The following DIS3L2 variants were observed in gnomAD, a reference collection of about 807,000 sequenced individuals.
The protein encoded by DIS3L2 is DIS3-like exonuclease 2.
A neutral mutation model predicts 97.5 loss-of-function variants in DIS3L2; 34 were observed. The observed-to-expected ratio is 0.35, with a 90% CI of 0.27 to 0.46. The LOEUF (loss-of-function observed/expected upper bound fraction) is 0.46. Among genes scored for constraint, DIS3L2 ranks in the 20% least tolerant of loss-of-function variants. The pLI is 1.00. For synonymous variants in DIS3L2, 435 were observed against 445.2 expected (o/e 0.98, Z 0.29); for missense variants, 1,038 against 1,146.0 (o/e 0.91, Z 1.36).
Position 232,208,905 on chromosome 2 carries a change from A to G in DIS3L2, c.1125-1421A>G, listed in dbSNP as rs186487999. ...TACTCCAGTGTGGTGGCATGCACCT[A>G]TACTGTCAGCTGCTTGGGAGTCTGA... On this transcript the variant is annotated intron_variant, in intron 9 of 20. Transcript: ENST00000325385. Among the ~76,000 whole-genome samples, 324 of 152,068 alleles carry G rather than the reference A, an allele frequency of 2.1e-3. 2 individuals carry two copies. Among genetic ancestry groups the G allele is most frequent in the African/African-American group, 7.4e-3 (305 of 41,474 alleles).
chr2:232,323,078 C>A (rs1305837702), intron 14 of DIS3L2, among the ~76,000 whole-genome samples: 3 of 152,224 alleles, frequency 2.0e-5, no homozygotes, highest in Admixed American at 2.0e-4. Context: ...CTCCTCAGGA[C>A]CTTGTTTCCA....
At chr2:232,253,414 C>G (rs1693470482) in intron 12 of DIS3L2, among the ~76,000 whole-genome samples, 1 of 152,042 alleles carries the variant, frequency 6.6e-6, no homozygotes, top group Non-Finnish European at 1.5e-5. Context: ...TCAGGGATCC[C>G]TAGGGGTACA....
rs576486172 is a variant in DIS3L2, at chr2:232,303,183, C to T, written c.1739+3064C>T. 2.0e-3 allele frequency among the ~76,000 whole-genome samples: 297 copies of T among 152,242 alleles called. 2 individuals carry two copies. The highest frequency in any genetic ancestry group is 6.6e-3 in the African/African-American group (276 of 41,546). ...GTTCACAGCCTTTGGTTGTGTACGA[C>T]GCTCTGTCAAAGGCAGACTCCTCAC... On this transcript the variant is annotated intron_variant, in intron 14 of 20. Transcript: ENST00000325385.
intron 4 of DIS3L2, 109 bp from the exon 5 acceptor site, chr2:232,029,870 A>G: frequency 1.3e-6 from 1 of 754,292 alleles, no homozygotes. Flanking sequence ...AAAAAGGATA[A>G]CCTAAGAATA....
intron 5 of DIS3L2, among the ~76,000 whole-genome samples, chr2:232,056,318 T>A (rs1695548962): frequency 6.6e-6 from 1 of 151,778 alleles, no homozygotes; most frequent in South Asian, 2.1e-4. Flanking sequence ...TGAGCTGAGA[T>A]CATGCCACTG....
chr2:232,220,575 C>T (rs1692470900), intron 10 of DIS3L2, among the ~76,000 whole-genome samples: 1 of 151,792 alleles, frequency 6.6e-6, no homozygotes, highest in African/African-American at 2.4e-5. Flanking sequence ...GGTGTGGTGG[C>T]ACGCGCCTGT....
At chr2:232,143,197 T>C (rs2106361032) in intron 8 of DIS3L2, among the ~76,000 whole-genome samples, 4 of 152,298 alleles carry the variant, frequency 2.6e-5, no homozygotes, top group Admixed American at 2.6e-4. Context: ...GTCCCTTTCC[T>C]CAGTACGTTT....
chr2:232,253,095 G>T (rs1223546690), intron 12 of DIS3L2, among the ~76,000 whole-genome samples: 1 of 152,204 alleles, frequency 6.6e-6, no homozygotes, highest in Non-Finnish European at 1.5e-5. Flanking sequence ...TTATGTAATT[G>T]CTTTTCCTCA....
intron 6 of DIS3L2, among the ~76,000 whole-genome samples, chr2:232,116,028 C>G (rs1234918730): frequency 6.6e-6 from 1 of 152,062 alleles, no homozygotes; most frequent in Non-Finnish European, 1.5e-5. Flanking sequence ...AAAAATTAGC[C>G]TGGCATGGTG....
chr2:232,065,154 G>A (rs1695819396), intron 5 of DIS3L2, among the ~76,000 whole-genome samples: 1 of 152,014 alleles, frequency 6.6e-6, no homozygotes, highest in South Asian at 2.1e-4. Context: ...AGTTTTAAGT[G>A]CATGGTATTT....
intron 14 of DIS3L2, among the ~76,000 whole-genome samples, chr2:232,324,938 C>A (rs1452455175): frequency 6.6e-6 from 1 of 152,134 alleles, no homozygotes; most frequent in East Asian, 1.9e-4. Flanking sequence ...GGGAGGGACA[C>A]CCCCCAACCC....
At chr2:232,001,947 C>T (rs1219132050) in intron 1 of DIS3L2, among the ~76,000 whole-genome samples, 2 of 152,216 alleles carry the variant, frequency 1.3e-5, no homozygotes, top group East Asian at 3.9e-4. Context: ...TCTGGAACTC[C>T]TGACCTCAGG....
At chr2:232,143,164 A>G (rs1323972963) in intron 8 of DIS3L2, among the ~76,000 whole-genome samples, 2 of 152,108 alleles carry the variant, frequency 1.3e-5, no homozygotes, top group Non-Finnish European at 2.9e-5. Context: ...CTTTCTTGTT[A>G]TATTTTTTTC....
chr2:232,254,477 T>C (rs1445578232), intron 12 of DIS3L2, among the ~76,000 whole-genome samples: 1 of 148,906 alleles, frequency 6.7e-6, no homozygotes, highest in East Asian at 2.2e-4. Context: ...TTCTACTTTT[T>C]TGTATTTTCT....
chr2:232,273,821 G>C (rs938658076), intron 13 of DIS3L2, among the ~76,000 whole-genome samples: 6 of 118,006 alleles, frequency 5.1e-5, no homozygotes, highest in African/African-American at 3.5e-4. Flanking sequence ...AGGTAGGGAG[G>C]CACCAAACTT....
chr2:231,974,167 A>G (rs1412549509), intron 1 of DIS3L2, among the ~76,000 whole-genome samples: 1 of 152,078 alleles, frequency 6.6e-6, no homozygotes, highest in East Asian at 1.9e-4. Context: ...AAATTGGTGA[A>G]GTGGGGGACA....
chr2:231,998,272 T>C (rs1364886581), intron 1 of DIS3L2, among the ~76,000 whole-genome samples: 2 of 152,182 alleles, frequency 1.3e-5, no homozygotes, highest in Non-Finnish European at 2.9e-5. Context: ...TGGGAAGGCA[T>C]AAGGGCAAGA....
chr2:232,086,634 T>TATATATGTGTATATATATATATACACAC (rs1559613405), intron 5 of DIS3L2, among the ~76,000 whole-genome samples: 3 of 63,792 alleles, frequency 4.7e-5, no homozygotes, highest in Non-Finnish European at 9.7e-5. Context: ...TATATACACA[T>TATATATGTGTATATATATATATACACAC]ATATATATAT....
intron 5 of DIS3L2, among the ~76,000 whole-genome samples, chr2:232,035,858 C>T (rs1694936256): frequency 6.6e-6 from 1 of 152,156 alleles, no homozygotes; most frequent in South Asian, 2.1e-4. Flanking sequence ...AGGGTTTCTG[C>T]AGAGAGATCC....
Sources: allele counts gnomAD v4.1 joint callset (sites outside exome capture counted in the v4.1 genomes callset), GRCh38; gene constraint gnomAD v4.1.1; transcripts MANE v1.5; gene names NCBI Gene and HGNC (gene_info 2026-07-23, HGNC 2026-07-21).